The following BCAS3 variants were observed in gnomAD, a reference collection of about 807,000 sequenced individuals.
BCAS3 encodes BCAS4/BCAS3 fusion.
Under a neutral mutation model 116.1 loss-of-function variants are expected in BCAS3, and 53 were observed. That is an observed-to-expected ratio of 0.46 (90% CI 0.37 to 0.57). The LOEUF is 0.57. BCAS3 is among the 20% of genes least tolerant of loss of function. BCAS3 has a pLI of 0.00. For missense variants in BCAS3, 917 were observed against 1,165.4 expected, an observed-to-expected ratio of 0.79 and a Z score of 3.10; for synonymous variants, 391 against 408.2, an observed-to-expected ratio of 0.96 and a Z score of 0.51.
chr17:60,678,391 C>T (rs747612820), intron 1 of BCAS3, among the ~76,000 whole-genome samples: 1 of 152,120 alleles, frequency 6.6e-6, no homozygotes, highest in Non-Finnish European at 1.5e-5. Context: ...AAATGGTTTT[C>T]GGTGCCTTCA....
At chr17:60,708,536 A>G (rs2037466274) in intron 4 of BCAS3, among the ~76,000 whole-genome samples, 1 of 151,478 alleles carries the variant, frequency 6.6e-6, no homozygotes, top group Non-Finnish European at 1.5e-5. Flanking sequence ...TAATAATAAT[A>G]ATTACTATTT....
At chr17:61,291,807 C>T (rs552942162) in intron 22 of BCAS3, among the ~76,000 whole-genome samples, 3 of 152,120 alleles carry the variant, frequency 2.0e-5, no homozygotes, top group East Asian at 3.9e-4. Context: ...GGTGGTTGTG[C>T]GTGTGTCGGT....
At chr17:60,841,299 G>C (rs1323402424) in intron 7 of BCAS3, among the ~76,000 whole-genome samples, 1 of 151,836 alleles carries the variant, frequency 6.6e-6, no homozygotes, top group Non-Finnish European at 1.5e-5. Flanking sequence ...TGTTGCAAAA[G>C]AGAGACTGGA....
intron 7 of BCAS3, among the ~76,000 whole-genome samples, chr17:60,851,931 C>T (rs1248215453): frequency 6.6e-6 from 1 of 151,928 alleles, no homozygotes; most frequent in Non-Finnish European, 1.5e-5. Flanking sequence ...AAATCATTTG[C>T]TGGTTGTTTA....
At chr17:61,110,893 T>C (rs1244830975) in intron 22 of BCAS3, among the ~76,000 whole-genome samples, 1 of 152,196 alleles carries the variant, frequency 6.6e-6, no homozygotes, top group Non-Finnish European at 1.5e-5. Flanking sequence ...CAGCTGGAGA[T>C]CTGAAAACGG....
chr17:60,705,687 G>A (rs1190699321), intron 4 of BCAS3, among the ~76,000 whole-genome samples: 1 of 152,122 alleles, frequency 6.6e-6, no homozygotes, highest in Non-Finnish European at 1.5e-5. Context: ...CCAAACCAGT[G>A]CCAGATGATG....
intron 7 of BCAS3, among the ~76,000 whole-genome samples, chr17:60,825,543 T>G (rs1040911634): frequency 1.5e-5 from 2 of 136,188 alleles, no homozygotes; most frequent in African/African-American, 5.9e-5. Flanking sequence ...AATTTATAAA[T>G]AATTATTTAT....
At chr17:60,894,177 GTC>G (rs2057362968) in intron 10 of BCAS3, among the ~76,000 whole-genome samples, 4 of 151,972 alleles carry the variant, frequency 2.6e-5, no homozygotes, top group Admixed American at 1.3e-4. Context: ...GGCCAGTATG[GTC>G]ATTTAAATCA....
chr17:61,257,090 G>A (rs894042662), intron 22 of BCAS3, among the ~76,000 whole-genome samples: 10 of 152,218 alleles, frequency 6.6e-5, no homozygotes, highest in African/African-American at 2.2e-4. Flanking sequence ...TTGCTGATAA[G>A]GCTTAGGGAA....
chr17:61,011,888 A>T (rs1483387481), intron 15 of BCAS3, among the ~76,000 whole-genome samples: 1 of 152,062 alleles, frequency 6.6e-6, no homozygotes, highest in East Asian at 1.9e-4. Flanking sequence ...TATTATTTAC[A>T]TGTCTGTGTC....
intron 13 of BCAS3, among the ~76,000 whole-genome samples, chr17:60,927,626 A>G (rs1450737250): frequency 2.0e-5 from 3 of 152,138 alleles, no homozygotes; most frequent in Admixed American, 6.5e-5. Context: ...TCACTTTGAA[A>G]TGGTTCATGG....
chr17:60,703,590 C>T (rs1279541925), intron 4 of BCAS3, among the ~76,000 whole-genome samples: 1 of 150,710 alleles, frequency 6.6e-6, no homozygotes, highest in African/African-American at 2.4e-5. Context: ...AAAATAAATG[C>T]AGCTTTTACA....
intron 6 of BCAS3, among the ~76,000 whole-genome samples, chr17:60,797,940 G>C (rs2047364051): frequency 6.6e-6 from 1 of 152,172 alleles, no homozygotes; most frequent in Admixed American, 6.5e-5. Flanking sequence ...TACTCAGGAG[G>C]CTAAGGTGGG....
At chr17:61,014,410 A>G (rs1457980052) in intron 15 of BCAS3, among the ~76,000 whole-genome samples, 1 of 152,178 alleles carries the variant, frequency 6.6e-6, no homozygotes, top group Non-Finnish European at 1.5e-5. Context: ...CAATGCAGGA[A>G]TAGAACCACA....
intron 7 of BCAS3, among the ~76,000 whole-genome samples, chr17:60,817,954 A>G (rs1265055120): frequency 6.6e-6 from 1 of 151,616 alleles, no homozygotes; most frequent in Non-Finnish European, 1.5e-5. Flanking sequence ...TCCTGGGTTC[A>G]AGAAATTCTC....
chr17:61,331,152 T>G (rs190844264), intron 22 of BCAS3, among the ~76,000 whole-genome samples: 3 of 151,498 alleles, frequency 2.0e-5, no homozygotes, highest in African/African-American at 4.9e-5. Context: ...ATGAAACAGA[T>G]GAAACAGTAG....
intron 7 of BCAS3, among the ~76,000 whole-genome samples, chr17:60,856,821 C>A (rs1331740116): frequency 1.3e-5 from 2 of 151,888 alleles, no homozygotes; most frequent in Non-Finnish European, 2.9e-5. Flanking sequence ...TTTTATAGTT[C>A]ATAATTACTT....
At chr17:60,836,782 A>C (rs1365998981) in intron 7 of BCAS3, among the ~76,000 whole-genome samples, 1 of 152,148 alleles carries the variant, frequency 6.6e-6, no homozygotes, top group African/African-American at 2.4e-5. Context: ...AAAAAGTGAA[A>C]TGTTTCCCAT....
rs567643928 is a variant in BCAS3, at chr17:60,966,811, T to C, written c.1221+19459T>C. On this transcript the variant is annotated intron_variant, in intron 14 of 23. Transcript: ENST00000407086. The stretch of plus-strand genomic sequence containing the variant: ...GGGATTACAGACATGTGCCACCATG[T>C]CCAGCTAATTTTTTTGTGTTTTTAG... Among the ~76,000 whole-genome samples, 8 of 151,906 alleles carry C rather than the reference T, an allele frequency of 5.3e-5. No homozygotes were observed. The East Asian group carries it at 7.8e-4, about 15-fold the overall frequency.
Sources: allele counts gnomAD v4.1 joint callset (sites outside exome capture counted in the v4.1 genomes callset), GRCh38; gene constraint gnomAD v4.1.1; transcripts MANE v1.5; gene names NCBI Gene and HGNC (gene_info 2026-07-23, HGNC 2026-07-21).